Variants in MTHFD1L observed in about 807,000 individuals in gnomAD.
MTHFD1L encodes the protein methylenetetrahydrofolate dehydrogenase (NADP+ dependent) 1 like, also known as monofunctional C1-tetrahydrofolate synthase, mitochondrial.
Under a neutral mutation model 119.5 loss-of-function variants are expected in MTHFD1L, and 81 were observed. That is an observed-to-expected ratio of 0.68 (90% CI 0.57 to 0.82). The LOEUF (loss-of-function observed/expected upper bound fraction) is 0.82, where lower values mean the gene tolerates loss of function less well. Ranked by LOEUF, MTHFD1L falls within the 40% of genes least tolerant of loss-of-function variation. MTHFD1L has a pLI of 0.00. For missense variants in MTHFD1L, 1,125 were observed against 1,253.4 expected, an observed-to-expected ratio of 0.90 and a Z score of 1.55; for synonymous variants, 430 against 475.2, an observed-to-expected ratio of 0.90 and a Z score of 1.24.
intron 26 of MTHFD1L, among the ~76,000 whole-genome samples, chr6:151,040,064 C>T (rs1584269247): frequency 6.6e-6 from 1 of 152,176 alleles, no homozygotes; most frequent in Non-Finnish European, 1.5e-5. Flanking sequence ...AGTGCAGGCC[C>T]AGAGAGACTG....
intron 16 of MTHFD1L, among the ~76,000 whole-genome samples, chr6:150,951,428 A>G (rs1047914235): frequency 2.0e-5 from 3 of 152,228 alleles, no homozygotes; most frequent in Non-Finnish European, 2.9e-5. Flanking sequence ...ACCTTGCTAT[A>G]CTAATAAAAC....
intron 16 of MTHFD1L, among the ~76,000 whole-genome samples, chr6:150,950,049 G>A (rs1368469655): frequency 7.0e-6 from 1 of 142,406 alleles, no homozygotes; most frequent in Non-Finnish European, 1.6e-5. Context: ...TTTATCAGAT[G>A]CGCATTTTAT....
chr6:150,872,954 G>A (rs1231093573), intron 1 of MTHFD1L, among the ~76,000 whole-genome samples: 4 of 151,596 alleles, frequency 2.6e-5, no homozygotes, highest in Non-Finnish European at 4.4e-5. Flanking sequence ...GAGCCACTGC[G>A]CCCAGCCCCC....
intron 1 of MTHFD1L, among the ~76,000 whole-genome samples, chr6:150,873,295 CAA>C (rs1779850720): frequency 1.3e-5 from 2 of 152,156 alleles, no homozygotes; most frequent in Non-Finnish European, 2.9e-5. Context: ...AGCCTGGAAA[CAA>C]AGTGAGACTC....
chr6:150,874,975 C>T (rs1321349143), intron 1 of MTHFD1L, among the ~76,000 whole-genome samples: 3 of 152,124 alleles, frequency 2.0e-5, no homozygotes, highest in South Asian at 4.2e-4. Flanking sequence ...GTCTTGAACT[C>T]CTGACCTTGT....
At chr6:150,921,126 T>A (rs1237746246) in intron 9 of MTHFD1L, among the ~76,000 whole-genome samples, 3 of 150,038 alleles carry the variant, frequency 2.0e-5, no homozygotes, top group Non-Finnish European at 3.0e-5. Flanking sequence ...GGCTAATTTT[T>A]TGTATTTTTT....
intron 26 of MTHFD1L, among the ~76,000 whole-genome samples, chr6:151,079,219 C>T (rs12197192): frequency 0.27 from 40,860 of 151,556 alleles, 5,684 homozygotes; most frequent in South Asian, 0.44. Context: ...CATGACAGCT[C>T]GATATTTGGG....
intron 5 of MTHFD1L, 114 bp from the exon 6 acceptor site, chr6:150,885,520 C>G (rs942497916): frequency 1.4e-6 from 1 of 733,114 alleles, no homozygotes; most frequent in African/African-American, 1.8e-5. Flanking sequence ...TTTATGTATT[C>G]TGTCTATCAA....
intron 26 of MTHFD1L, among the ~76,000 whole-genome samples, chr6:151,044,620 C>T (rs1307143521): frequency 2.0e-5 from 3 of 152,058 alleles, no homozygotes; most frequent in Non-Finnish European, 2.9e-5. Flanking sequence ...CTTTTTTCCT[C>T]CTGTCGGGAT....
Position 151,045,967 on chromosome 6 carries a change from G to A in MTHFD1L, c.2847+8850G>A, listed in dbSNP as rs868858306. ...AGGAGGAAGGAAAGTAACCAGCGTC[G>A]TTCTCAATTTCCAGAAACTGTTTAT... On this transcript the variant is annotated intron_variant, in intron 26 of 27. Coordinates refer to ENST00000367321, the MANE Select transcript of MTHFD1L (RefSeq NM_015440.5). Among the ~76,000 whole-genome samples, 373 of 152,244 alleles carry A rather than the reference G, an allele frequency of 2.5e-3. 1 individual carries two copies. The highest frequency in any genetic ancestry group is 8.4e-3 in the African/African-American group (348 of 41,550).
At chr6:151,050,667 G>A (rs1488492893) in intron 26 of MTHFD1L, among the ~76,000 whole-genome samples, 1 of 152,062 alleles carries the variant, frequency 6.6e-6, no homozygotes, top group African/African-American at 2.4e-5. Flanking sequence ...CTATCTCTGG[G>A]TAGACAGGGT....
intron 20 of MTHFD1L, among the ~76,000 whole-genome samples, chr6:150,989,829 C>T (rs1425702483): frequency 5.3e-5 from 8 of 152,152 alleles, no homozygotes; most frequent in Non-Finnish European, 1.0e-4. Flanking sequence ...GTCAAACTAA[C>T]ACCTAAATTA....
chr6:150,881,507 T>C (rs1240628479), intron 4 of MTHFD1L, among the ~76,000 whole-genome samples: 2 of 152,200 alleles, frequency 1.3e-5, no homozygotes, highest in Admixed American at 1.3e-4. Context: ...AGATTTGTGT[T>C]GGCATTTGTT....
At chr6:150,989,383 C>G (rs1778751962) in intron 20 of MTHFD1L, among the ~76,000 whole-genome samples, 1 of 152,152 alleles carries the variant, frequency 6.6e-6, no homozygotes, top group Non-Finnish European at 1.5e-5. Context: ...AGTGCCTATA[C>G]TCACCGTTAT....
intron 11 of MTHFD1L, chr6:150,935,579 A>G (rs1041036826): frequency 3.5e-6 from 5 of 1,441,768 alleles, no homozygotes; most frequent in African/African-American, 1.4e-5. Flanking sequence ...ATCAATATCT[A>G]TTATATCTGT....
chr6:151,061,847 G>C (rs892759043), intron 26 of MTHFD1L, among the ~76,000 whole-genome samples: 1 of 152,146 alleles, frequency 6.6e-6, no homozygotes, highest in African/African-American at 2.4e-5. Context: ...GATGTGGCTT[G>C]GTTGCACATT....
chr6:150,942,042 T>G (rs976736793), intron 13 of MTHFD1L, among the ~76,000 whole-genome samples: 1 of 152,050 alleles, frequency 6.6e-6, no homozygotes, highest in African/African-American at 2.4e-5. Context: ...GTGGATCACC[T>G]GAGGTCAGGA....
chr6:150,887,777 A>G (rs1015668154), intron 6 of MTHFD1L, 68 bp from the exon 7 acceptor site: 79 of 1,468,942 alleles, frequency 5.4e-5, no homozygotes, highest in Non-Finnish European at 6.8e-5. Context: ...TTTTTTTCTT[A>G]AGATAAAGTT....
intron 26 of MTHFD1L, among the ~76,000 whole-genome samples, chr6:151,043,536 T>C (rs1787474504): frequency 6.6e-6 from 1 of 152,070 alleles, no homozygotes; most frequent in Admixed American, 6.6e-5. Flanking sequence ...TCTCACAGTG[T>C]TTTTTAAAAC....
Sources: gnomAD v4.1 joint callset for allele counts (sites outside exome capture counted in the v4.1 genomes callset) on GRCh38, gnomAD v4.1.1 for gene constraint, MANE v1.5 for transcripts, NCBI Gene and HGNC (gene_info 2026-07-23, HGNC 2026-07-21) for gene names.